TMEM40: variants seen among roughly 807,000 people sequenced by gnomAD.
TMEM40 encodes transmembrane protein 40.
A neutral mutation model predicts 40.8 loss-of-function variants in TMEM40; 34 were observed. The ratio of observed to expected loss-of-function variants is 0.83; its 90% CI spans 0.63 to 1.11. The LOEUF (loss-of-function observed/expected upper bound fraction) is 1.11. TMEM40 is among the 50% of genes least tolerant of loss of function. The pLI is 0.00. For missense variants in TMEM40, 296 were observed against 280.2 expected (o/e 1.06, Z -0.40); for synonymous variants, 106 against 107.0 (o/e 0.99, Z 0.06).
chr3:12,738,272 T>A lies in TMEM40; in HGVS notation c.392-104A>T, dbSNP rs546162176. 73 of 1,336,130 alleles carry A rather than the reference T, an allele frequency of 5.5e-5. No individual in the cohort carries two copies. In the Admixed American group the frequency reaches 1.0e-3, roughly 19 times the overall value. 82.8% of individuals were successfully genotyped at this position (1,336,130 alleles called of 1,614,324 possible). ...TAGGTGACCTAAAAAAATGTCCCCA[T>A]GGAATTCTGCAGCCCCCACGGTATC... is the stretch of plus-strand genomic sequence containing the variant. On this transcript the variant is annotated intron_variant, in intron 6 of 11. Coordinates refer to ENST00000314124, the MANE Select transcript of TMEM40 (RefSeq NM_018306.4).
Position 12,748,224 on chromosome 3 carries a change from G to A in TMEM40, c.211+431C>T, listed in dbSNP as rs73137825. On this transcript the variant is annotated intron_variant, in intron 3 of 11. Coordinates refer to ENST00000314124, the MANE Select transcript of TMEM40 (RefSeq NM_018306.4). ...ATCTTCTAGATGAGGGCACTGAGGC[G>A]CCAGGGGTTGAGCAGTTTACCCAAG... 2.0e-3 allele frequency among the ~76,000 whole-genome samples: 304 copies of A among 152,278 alleles called. 2 individuals are homozygous for A. Among genetic ancestry groups the A allele is most frequent in the African/African-American group, 6.8e-3 (284 of 41,560 alleles).
intron 1 of TMEM40, 102 bp from the exon 2 acceptor site, chr3:12,749,942 T>C (rs747096040): frequency 3.6e-5 from 40 of 1,116,144 alleles, no homozygotes; most frequent in Non-Finnish European, 5.1e-5. Flanking sequence ...CACTCAACAT[T>C]CAAAGGAATA....
intron 4 of TMEM40, among the ~76,000 whole-genome samples, chr3:12,743,336 G>C (rs560436338): frequency 6.6e-6 from 1 of 152,030 alleles, no homozygotes; most frequent in Non-Finnish European, 1.5e-5. Flanking sequence ...GCATGGTGGC[G>C]CATGCCTGTA....
At chr3:12,749,722 T>G in intron 2 of TMEM40, 38 bp downstream of exon 2, 3 of 1,591,722 alleles carry the variant, frequency 1.9e-6, no homozygotes, top group Non-Finnish European at 1.7e-6. Flanking sequence ...CCACCTCCCA[T>G]GTGGTTTTGC....
At chr3:12,747,750 A>C (rs938493050) in intron 3 of TMEM40, among the ~76,000 whole-genome samples, 1 of 151,842 alleles carries the variant, frequency 6.6e-6, no homozygotes, top group Non-Finnish European at 1.5e-5. Flanking sequence ...TCTCTACTAA[A>C]AATACAAAAA....
Position 12,758,515 on chromosome 3 carries a change from T to C in TMEM40, c.-9+676A>G, listed in dbSNP as rs560673222. Reference sequence around the variant, plus strand: ...GGTGGGTGGGGGGAGCTCTGAGAGGTCTGCCAAGCCCCCCTCCCCTTGGGC... The same window carrying C: ...GGTGGGTGGGGGGAGCTCTGAGAGGCCTGCCAAGCCCCCCTCCCCTTGGGC... On this transcript the variant is annotated intron_variant, in intron 1 of 11. Coordinates refer to ENST00000314124, the MANE Select transcript of TMEM40 (RefSeq NM_018306.4). 2.6e-5 allele frequency among the ~76,000 whole-genome samples: 4 copies of C among 151,736 alleles called. No individual in the cohort carries two copies. The East Asian group carries it at 7.8e-4, about 29-fold the overall frequency.
intron 4 of TMEM40, among the ~76,000 whole-genome samples, chr3:12,742,760 A>G (rs1402628974): frequency 2.0e-5 from 3 of 152,204 alleles, no homozygotes; most frequent in Admixed American, 6.5e-5. Context: ...CTCAAGGTTA[A>G]TAGTGGGTAT....
intron 1 of TMEM40, among the ~76,000 whole-genome samples, chr3:12,765,254 T>C (rs565848733): frequency 4.2e-4 from 64 of 152,302 alleles, no homozygotes; most frequent in African/African-American, 1.4e-3. Flanking sequence ...TACTCAACAA[T>C]CTTATTGTTT....
intron 1 of TMEM40, among the ~76,000 whole-genome samples, chr3:12,765,815 C>T (rs13316224): frequency 0.39 from 58,405 of 151,518 alleles, 12,174 homozygotes; most frequent in Non-Finnish European, 0.48. Flanking sequence ...GTCATCTGCC[C>T]GCCTCCCAAA....
chr3:12,749,796 T>C lies in TMEM40; in HGVS notation c.37A>G (p.Asn13Asp). The C allele has an allele frequency of 1.2e-6, 2 of 1,614,138 alleles. No homozygotes were observed. Among genetic ancestry groups the C allele is most frequent in the Non-Finnish European group, 1.7e-6 (2 of 1,180,016 alleles). The change falls in exon 2 of 12, where the codon AAC (asparagine) becomes GAC (aspartate). Residue 13 changes from asparagine (N) to aspartate (D), a missense_variant. Asn to Asp is a conservative substitution (Grantham distance 23). Coordinates refer to ENST00000314124, the MANE Select transcript of TMEM40 (RefSeq NM_018306.4). ...TSASSSQPQD[N>D]SQVHRETEDV... ...TCTGTTTCTCTGTGGACTTGACTGTTGTCCTGAGGCTGGGAGGAGGATGCT... is the reference window on the plus strand; with the variant it reads ...TCTGTTTCTCTGTGGACTTGACTGTCGTCCTGAGGCTGGGAGGAGGATGCT...
upstream of TMEM40, among the ~76,000 whole-genome samples, chr3:12,762,330 T>C (rs938147549): frequency 6.6e-6 from 1 of 152,262 alleles, no homozygotes; most frequent in African/African-American, 2.4e-5. Context: ...ACATAGTTAC[T>C]GAAAATTTTT....
chr3:12,768,897 C>A (rs1206414256), intron 1 of TMEM40, among the ~76,000 whole-genome samples: 16 of 37,752 alleles, frequency 4.2e-4, no homozygotes, highest in Admixed American at 3.0e-3. Context: ...CGGGGCGGGG[C>A]GGGGCAGGGC....
rs2061339858 is a variant in TMEM40 at position 12,736,637 on chromosome 3, A to G, written c.560T>C (p.Leu187Pro). The G allele has an allele frequency of 6.3e-7, 1 of 1,597,852 alleles. No individual in the cohort carries two copies. ...GGCGAAGGTGAGCAGGCCGACCCCAAGAGACATGAACCAGTCTGGAAGGGC... is the reference window on the plus strand; with the variant it reads ...GGCGAAGGTGAGCAGGCCGACCCCAGGAGACATGAACCAGTCTGGAAGGGC... ...YHYYADWFMS[L>P]GVGLLTFASL... The change falls in exon 10 of 12, where the codon CTT becomes CCT. Residue 187 changes from leucine to proline, a missense_variant. Physicochemically the swap from Leu to Pro is moderately conservative, Grantham distance 98. Transcript: ENST00000314124.
At chr3:12,758,971 G>T (rs762990868) in intron 1 of TMEM40, among the ~76,000 whole-genome samples, 1 of 152,060 alleles carries the variant, frequency 6.6e-6, no homozygotes, top group African/African-American at 2.4e-5. Flanking sequence ...AAGTATAGGC[G>T]GGTGGAAACC....
At chr3:12,761,710 G>A (rs984559225), upstream of TMEM40, among the ~76,000 whole-genome samples, 1 of 152,184 alleles carries the variant, frequency 6.6e-6, no homozygotes, top group Non-Finnish European at 1.5e-5. Context: ...CATGAGCCAT[G>A]CAGGGGAGAT....
At chr3:12,738,434 G>T in intron 6 of TMEM40, 119 bp downstream of exon 6, 1 of 1,197,134 alleles carries the variant, frequency 8.4e-7, no homozygotes, top group Non-Finnish European at 1.2e-6. Context: ...TGGACCTGGG[G>T]CTCCTGTTTC....
At chr3:12,758,475 A>T (rs902700301) in intron 1 of TMEM40, among the ~76,000 whole-genome samples, 5 of 151,752 alleles carry the variant, frequency 3.3e-5, no homozygotes, top group Non-Finnish European at 7.4e-5. Flanking sequence ...TAGGACAAGG[A>T]TGACAGCCTA....
intron 3 of TMEM40, 55 bp downstream of exon 3, chr3:12,748,600 C>T: frequency 6.4e-7 from 1 of 1,568,486 alleles, no homozygotes; most frequent in South Asian, 1.2e-5. Flanking sequence ...GGGATTATTT[C>T]CCCATGTAAA....
At chr3:12,742,874 C>T (rs1036492677) in intron 4 of TMEM40, among the ~76,000 whole-genome samples, 2 of 152,172 alleles carry the variant, frequency 1.3e-5, no homozygotes, top group African/African-American at 4.8e-5. Flanking sequence ...GTACCTACCC[C>T]ACCCATTATA....
Sources: allele counts gnomAD v4.1 joint callset (sites outside exome capture counted in the v4.1 genomes callset), GRCh38; gene constraint gnomAD v4.1.1; transcripts MANE v1.5; gene names NCBI Gene and HGNC (gene_info 2026-07-23, HGNC 2026-07-21).